DNAH9: variants seen among roughly 807,000 people sequenced by gnomAD.
DNAH9 encodes the protein DNAH9 variant protein.
A neutral mutation model predicts 471.6 loss-of-function variants in DNAH9; 345 were observed. The observed-to-expected ratio is 0.73, with a 90% confidence interval of 0.67 to 0.80. DNAH9 has a LOEUF of 0.80. Ranked by LOEUF, DNAH9 falls within the 30% of genes least tolerant of loss-of-function variation. DNAH9 has a pLI of 0.00. For missense variants in DNAH9, 5,407 were observed against 5,609.2 expected, an observed-to-expected ratio of 0.96 and a Z score of 1.15; for synonymous variants, 2,093 against 2,123.6, an observed-to-expected ratio of 0.99 and a Z score of 0.40.
At chr17:11,853,273 G>A (rs1238464211) in intron 49 of DNAH9, 2 of 152,164 alleles carry the variant, frequency 1.3e-5, no homozygotes, top group Non-Finnish European at 2.9e-5. Flanking sequence ...TGTCATAGCA[G>A]GCCTTAAATC....
At chr17:11,901,911 T>C (rs998550589) in intron 59 of DNAH9, among the ~76,000 whole-genome samples, 1 of 152,228 alleles carries the variant, frequency 6.6e-6, no homozygotes, top group African/African-American at 2.4e-5. Flanking sequence ...CTACATGTTC[T>C]ACATTAGGAA....
intron 38 of DNAH9, among the ~76,000 whole-genome samples, chr17:11,770,544 C>G (rs933885212): frequency 3.9e-5 from 6 of 152,158 alleles, no homozygotes; most frequent in African/African-American, 7.2e-5. Flanking sequence ...CCTTCGATGG[C>G]AGAGACTTCT....
At chr17:11,943,967 T>C (rs769436895) in intron 67 of DNAH9, among the ~76,000 whole-genome samples, 48 of 152,198 alleles carry the variant, frequency 3.2e-4, no homozygotes, top group Non-Finnish European at 6.0e-4. Context: ...TTGAGTAGGT[T>C]TGCTGCCATT....
intron 50 of DNAH9, among the ~76,000 whole-genome samples, chr17:11,854,904 A>C (rs1971568522): frequency 6.6e-6 from 1 of 152,204 alleles, no homozygotes; most frequent in African/African-American, 2.4e-5. Context: ...CCTAGTCCAT[A>C]AATATAAAAC....
intron 4 of DNAH9, chr17:11,612,336 C>T (rs2072656891): frequency 5.3e-6 from 1 of 188,408 alleles, no homozygotes; most frequent in East Asian, 1.4e-4. Context: ...GCTTGTACCT[C>T]CCTGGCACGC....
intron 39 of DNAH9, 98 bp downstream of exon 39, chr17:11,781,272 T>C (rs896584315): frequency 7.7e-7 from 1 of 1,294,974 alleles, no homozygotes; most frequent in Non-Finnish European, 1.0e-6. Context: ...AACCTCAGCA[T>C]AGCTCTGGTG....
At chr17:11,644,999 A>C (rs1485141033) in intron 11 of DNAH9, among the ~76,000 whole-genome samples, 1 of 152,342 alleles carries the variant, frequency 6.6e-6, no homozygotes, top group Admixed American at 6.5e-5. Context: ...GGAAAATTGC[A>C]ACAGCTGCTT....
rs1327369826 is a variant in DNAH9 at position 11,640,123 on chromosome 17, A to AC, written c.1787-141dup. 4 of 623,312 alleles carry AC rather than the reference A, an allele frequency of 6.4e-6. No homozygotes were observed. The Admixed American group carries it at 8.2e-5, about 13-fold the overall frequency. The allele number at this position is 623,312 out of a possible 1,614,324, so 38.6% of individuals were successfully genotyped here. A position where few individuals can be genotyped will look rare whatever the true frequency, so the allele number is the denominator to read the frequency against. ...TTACTCTTTCTTCCTCTTTAACAGA[A>AC]CCCCCCAGGAACTCCAGTGTGCTCC... On this transcript the variant is annotated intron_variant, in intron 9 of 68. Transcript: ENST00000262442.
chr17:11,662,666 T>A (rs1449890052), intron 14 of DNAH9, among the ~76,000 whole-genome samples: 1 of 38,164 alleles, frequency 2.6e-5, no homozygotes, highest in Admixed American at 5.7e-4. Flanking sequence ...GAATCTGGAT[T>A]TTTTTCCTTT....
intron 1 of DNAH9, among the ~76,000 whole-genome samples, chr17:11,601,488 G>A (rs1017482509): frequency 3.3e-5 from 5 of 152,118 alleles, no homozygotes; most frequent in East Asian, 3.9e-4. Flanking sequence ...GCTTTTGTAC[G>A]TTTAAATTTT....
At chr17:11,954,244 G>T (rs1009537435) in intron 67 of DNAH9, among the ~76,000 whole-genome samples, 5 of 151,844 alleles carry the variant, frequency 3.3e-5, no homozygotes, top group African/African-American at 1.2e-4. Context: ...ATGGGGAAGG[G>T]GGGGGCCAAA....
chr17:11,813,246 A>G (rs1041945373), intron 45 of DNAH9, among the ~76,000 whole-genome samples: 3 of 152,172 alleles, frequency 2.0e-5, no homozygotes, highest in Non-Finnish European at 4.4e-5. Flanking sequence ...AGGAAAAAAA[A>G]AAAGGTAAAA....
intron 20 of DNAH9, among the ~76,000 whole-genome samples, chr17:11,691,731 T>C (rs2074335205): frequency 2.0e-5 from 3 of 152,218 alleles, no homozygotes; most frequent in African/African-American, 7.2e-5. Flanking sequence ...CTTGATACTT[T>C]TTTATTTTTA....
At chr17:11,918,392 G>A (rs1005323158) in intron 61 of DNAH9, among the ~76,000 whole-genome samples, 9 of 151,968 alleles carry the variant, frequency 5.9e-5, no homozygotes, top group Admixed American at 3.9e-4. Context: ...CACTATGCCC[G>A]GCTAATTTTT....
At chr17:11,882,339 C>T (rs1334941594) in intron 55 of DNAH9, among the ~76,000 whole-genome samples, 1 of 152,188 alleles carries the variant, frequency 6.6e-6, no homozygotes, top group Non-Finnish European at 1.5e-5. Context: ...CCAATATAGT[C>T]ACATGGGGGA....
At chr17:11,952,188 G>C (rs983849869) in intron 67 of DNAH9, among the ~76,000 whole-genome samples, 1 of 144,784 alleles carries the variant, frequency 6.9e-6, no homozygotes, top group Non-Finnish European at 1.5e-5. Flanking sequence ...TGCCCAGGCT[G>C]GAGTTCAGTG....
chr17:11,664,284 AGAGAGT>A (rs369849244), intron 14 of DNAH9, among the ~76,000 whole-genome samples: 153 of 151,910 alleles, frequency 1.0e-3, no homozygotes, highest in African/African-American at 3.5e-3. Context: ...AGAGAGAGAG[AGAGAGT>A]GAGAGAGAGA....
At chr17:11,935,662 C>CA (rs1567561803) in intron 65 of DNAH9, among the ~76,000 whole-genome samples, 2 of 151,960 alleles carry the variant, frequency 1.3e-5, no homozygotes, top group Non-Finnish European at 2.9e-5. Flanking sequence ...GCGTGAGCCA[C>CA]CGCGCCCGGC....
intron 4 of DNAH9, 63 bp downstream of exon 4, chr17:11,611,843 C>G: frequency 6.5e-7 from 1 of 1,538,396 alleles, no homozygotes; most frequent in South Asian, 1.1e-5. Flanking sequence ...ATGATGCATT[C>G]ACCTCTCTCT....
Sources: allele counts gnomAD v4.1 joint callset (sites outside exome capture counted in the v4.1 genomes callset), GRCh38; gene constraint gnomAD v4.1.1; transcripts MANE v1.5; gene names NCBI Gene and HGNC (gene_info 2026-07-23, HGNC 2026-07-21).